MAF: variants seen among roughly 807,000 people sequenced by gnomAD.
MAF encodes the protein MAF bZIP transcription factor.
In MAF, 10 loss-of-function variants were observed where a neutral mutation model predicts 22.0. The ratio of observed to expected loss-of-function variants is 0.45; its 90% CI spans 0.28 to 0.77. MAF has a LOEUF of 0.77. Among genes scored for constraint, MAF ranks in the 30% least tolerant of loss-of-function variants. MAF has a pLI of 0.12. For synonymous variants in MAF, 337 were observed against 255.8 expected (o/e 1.32, Z -3.03); for missense variants, 544 against 548.4 (o/e 0.99, Z 0.08).
chr16:79,298,818 C>A, the MAF span, among the ~76,000 whole-genome samples: 2 of 152,214 alleles, frequency 1.3e-5, no homozygotes, highest in African/African-American at 4.8e-5. Context: ...TGGAGGGCTT[C>A]CAGAGGCCCC....
At chr16:79,448,043 C>T in the MAF span, among the ~76,000 whole-genome samples, 1 of 152,048 alleles carries the variant, frequency 6.6e-6, no homozygotes, top group African/African-American at 2.4e-5. Flanking sequence ...GGAATCAACT[C>T]CTGATGCTAT....
the MAF span, among the ~76,000 whole-genome samples, chr16:79,398,282 C>A: frequency 6.6e-6 from 1 of 152,196 alleles, no homozygotes. Context: ...AGGATAATCT[C>A]CCCAAGGTCA....
At chr16:79,357,766 G>A in the MAF span, among the ~76,000 whole-genome samples, 1 of 152,004 alleles carries the variant, frequency 6.6e-6, no homozygotes, top group Non-Finnish European at 1.5e-5. Context: ...TGATGGGCCA[G>A]TCTCCCCTAC....
At chr16:79,345,766 G>A in the MAF span, among the ~76,000 whole-genome samples, 1 of 138,064 alleles carries the variant, frequency 7.2e-6, no homozygotes, top group Non-Finnish European at 1.6e-5. Flanking sequence ...TCTTTAACTT[G>A]CTTTATAATG....
the MAF span, among the ~76,000 whole-genome samples, chr16:79,415,570 T>C: frequency 1.3e-5 from 2 of 152,154 alleles, no homozygotes; most frequent in African/African-American, 4.8e-5. Flanking sequence ...TTGCTCAGTG[T>C]GGTCAGCATT....
chr16:79,340,460 G>A, the MAF span, among the ~76,000 whole-genome samples: 2 of 150,976 alleles, frequency 1.3e-5, no homozygotes, highest in African/African-American at 2.4e-5. Context: ...TGGGAATATA[G>A]CAGAGAACAA....
chr16:79,417,914 A>G, the MAF span, among the ~76,000 whole-genome samples: 1 of 152,160 alleles, frequency 6.6e-6, no homozygotes, highest in Non-Finnish European at 1.5e-5. Flanking sequence ...ATTCTTAGAA[A>G]TGATAAATTG....
chr16:79,256,627 C>T, the MAF span, among the ~76,000 whole-genome samples: 66 of 152,254 alleles, frequency 4.3e-4, no homozygotes, highest in East Asian at 0.012. Context: ...GGACATAGAT[C>T]TTTGGACTAG....
the MAF span, among the ~76,000 whole-genome samples, chr16:79,281,697 C>A: frequency 6.6e-6 from 1 of 151,978 alleles, no homozygotes; most frequent in Admixed American, 6.6e-5. Flanking sequence ...TACAGGTGCA[C>A]CACCACGCCT....
At chr16:79,587,064 C>T (rs188626396) in intron 1 of MAF, among the ~76,000 whole-genome samples, 7 of 152,292 alleles carry the variant, frequency 4.6e-5, no homozygotes, top group Admixed American at 3.9e-4. Context: ...CTTACATTTT[C>T]ATTCCACATA....
chr16:79,561,384 T>C, the MAF span, among the ~76,000 whole-genome samples: 1 of 151,972 alleles, frequency 6.6e-6, no homozygotes, highest in Non-Finnish European at 1.5e-5. Flanking sequence ...GTTACATATG[T>C]ATACATGTGC....
At chr16:79,538,113 A>C in the MAF span, among the ~76,000 whole-genome samples, 1 of 152,238 alleles carries the variant, frequency 6.6e-6, no homozygotes, top group Non-Finnish European at 1.5e-5. Context: ...TTTTCACTTC[A>C]AAAACAATTT....
At chr16:79,377,479 C>T in the MAF span, among the ~76,000 whole-genome samples, 2 of 152,144 alleles carry the variant, frequency 1.3e-5, no homozygotes, top group African/African-American at 4.8e-5. Flanking sequence ...CTGTAGGTTG[C>T]CTGTTCACTC....
chr16:79,596,734 GC>G, intron 1 of MAF: 1 of 1,043,638 alleles, frequency 9.6e-7, no homozygotes, highest in Non-Finnish European at 1.2e-6. Flanking sequence ...ACTGATTATT[GC>G]CTTTAAAACT....
At chr16:79,293,848 AG>A in the MAF span, among the ~76,000 whole-genome samples, 1 of 97,714 alleles carries the variant, frequency 1.0e-5, no homozygotes, top group Non-Finnish European at 2.2e-5. Flanking sequence ...AGAGAGAGAG[AG>A]AGAGAGAGAG....
chr16:79,346,748 G>A, the MAF span, among the ~76,000 whole-genome samples: 3 of 152,208 alleles, frequency 2.0e-5, no homozygotes, highest in Non-Finnish European at 2.9e-5. Flanking sequence ...AATGGAGACT[G>A]AAAACAACAA....
chr16:79,383,428 G>T, the MAF span, among the ~76,000 whole-genome samples: 2 of 152,000 alleles, frequency 1.3e-5, no homozygotes, highest in Non-Finnish European at 2.9e-5. Flanking sequence ...ATGAAGGATG[G>T]GTTTCAGAAT....
chr16:79,202,884 T>G, the MAF span: 1 of 152,210 alleles, frequency 6.6e-6, no homozygotes, highest in Non-Finnish European at 1.5e-5. Flanking sequence ...AGATGAGTAG[T>G]CAGCACATGC....
the MAF span, among the ~76,000 whole-genome samples, chr16:79,550,486 C>A: frequency 0.25 from 37,622 of 151,964 alleles, 5,845 homozygotes; most frequent in Non-Finnish European, 0.36. Flanking sequence ...ACCTGCGAAA[C>A]CTCACATTGA....
Sources: allele counts gnomAD v4.1 joint callset (sites outside exome capture counted in the v4.1 genomes callset), GRCh38; gene constraint gnomAD v4.1.1; transcripts MANE v1.5; gene names NCBI Gene and HGNC (gene_info 2026-07-23, HGNC 2026-07-21).